Variants in GRM8 observed in about 807,000 individuals in gnomAD.
GRM8 encodes glutamate metabotropic receptor 8.
Under a neutral mutation model 87.2 loss-of-function variants are expected in GRM8, and 47 were observed. The observed-to-expected ratio is 0.54, with a 90% CI of 0.43 to 0.69. The LOEUF is 0.69. GRM8 is among the 30% of genes least tolerant of loss of function. GRM8 has a pLI of 0.00. For missense variants in GRM8, 1,019 were observed against 1,139.2 expected (o/e 0.89, Z 1.52); for synonymous variants, 396 against 404.5 (o/e 0.98, Z 0.25).
intron 7 of GRM8, among the ~76,000 whole-genome samples, chr7:126,616,945 G>A (rs1047182571): frequency 1.3e-5 from 2 of 152,120 alleles, no homozygotes; most frequent in South Asian, 2.1e-4. Context: ...TCTACCAGAG[G>A]TACAATGAGG....
chr7:126,730,657 A>G (rs1384871250), intron 7 of GRM8, among the ~76,000 whole-genome samples: 1 of 152,172 alleles, frequency 6.6e-6, no homozygotes, highest in African/African-American at 2.4e-5. Context: ...CAAACATTTG[A>G]AAAGAGAGAA....
At chr7:126,833,581 C>T (rs114783219) in intron 6 of GRM8, among the ~76,000 whole-genome samples, 3,815 of 152,280 alleles carry the variant, frequency 0.025, 76 homozygotes, top group Middle Eastern at 0.071. Flanking sequence ...TGCCTTCTTG[C>T]TTTATCACAT....
At chr7:126,450,599 CA>C (rs2150481421) in intron 9 of GRM8, among the ~76,000 whole-genome samples, 1 of 151,512 alleles carries the variant, frequency 6.6e-6, no homozygotes, top group Non-Finnish European at 1.5e-5. Flanking sequence ...CAATGGACTT[CA>C]AAATACCATT....
At chr7:126,892,903 T>G (rs1801193719) in intron 6 of GRM8, among the ~76,000 whole-genome samples, 1 of 152,160 alleles carries the variant, frequency 6.6e-6, no homozygotes. Context: ...GTGAGCATTT[T>G]TTCATGTGTT....
chr7:126,494,546 AGTAACTGATT>A (rs1244987926), intron 9 of GRM8, among the ~76,000 whole-genome samples: 9 of 152,016 alleles, frequency 5.9e-5, no homozygotes, highest in Admixed American at 1.3e-4. Context: ...GAAGAAGCAT[AGTAACTGATT>A]GCAAGCACTT....
rs760539830 is a variant in GRM8, at chr7:126,533,627, C to T, written c.1755G>A (p.Val585=). The change falls in exon 9 of 11, where the codon GTG becomes GTA. Residue 585 remains valine (V), a synonymous_variant. Transcript: ENST00000339582. ...IKLEWHSPWA[V]VPVFVAILGI... ...CCAATATTGCAACAAACACAGGCAC[C>T]ACAGCCCAGGGAGAATGCCACTCCA... 8.7e-6 allele frequency: 14 copies of T among 1,614,036 alleles called. No homozygotes were observed. Among genetic ancestry groups the T allele is most frequent in the Non-Finnish European group, 1.1e-5 (13 of 1,179,980 alleles).
At chr7:126,653,471 G>A (rs1272354676) in intron 7 of GRM8, among the ~76,000 whole-genome samples, 2 of 152,082 alleles carry the variant, frequency 1.3e-5, no homozygotes, top group African/African-American at 2.4e-5. Context: ...AACTGATTTT[G>A]TCTCAAATTA....
At chr7:127,007,073 T>C (rs1316773677) in intron 3 of GRM8, among the ~76,000 whole-genome samples, 1 of 152,008 alleles carries the variant, frequency 6.6e-6, no homozygotes, top group Non-Finnish European at 1.5e-5. Context: ...AAATTCTACG[T>C]TGGAGAGAAA....
chr7:126,654,420 A>G (rs554532607), intron 7 of GRM8, among the ~76,000 whole-genome samples: 1 of 152,322 alleles, frequency 6.6e-6, no homozygotes, highest in South Asian at 2.1e-4. Context: ...TCTTAATCAG[A>G]AAAATTATGG....
chr7:127,033,857 C>T (rs1586809976), intron 3 of GRM8, among the ~76,000 whole-genome samples: 1 of 152,278 alleles, frequency 6.6e-6, no homozygotes, highest in African/African-American at 2.4e-5. Context: ...CATGTGTAAA[C>T]ACATTGCTTT....
chr7:127,039,370 AAGCCAG>A (rs1818138240), intron 3 of GRM8, among the ~76,000 whole-genome samples: 1 of 152,062 alleles, frequency 6.6e-6, no homozygotes, highest in South Asian at 2.1e-4. Flanking sequence ...AACCATCTAA[AAGCCAG>A]AGAGGGAGGC....
At chr7:127,227,527 G>A (rs974781656) in intron 2 of GRM8, among the ~76,000 whole-genome samples, 3 of 152,134 alleles carry the variant, frequency 2.0e-5, no homozygotes, top group Non-Finnish European at 4.4e-5. Context: ...TGCTGTCACA[G>A]GTCCTATTTT....
intron 9 of GRM8, among the ~76,000 whole-genome samples, chr7:126,471,234 C>A (rs2150557114): frequency 6.6e-6 from 1 of 152,260 alleles, no homozygotes; most frequent in East Asian, 1.9e-4. Context: ...GTTGCCATTG[C>A]TTTTAGTGTT....
At chr7:127,144,356 G>A (rs1828437630) in intron 2 of GRM8, among the ~76,000 whole-genome samples, 1 of 152,052 alleles carries the variant, frequency 6.6e-6, no homozygotes, top group South Asian at 2.1e-4. Flanking sequence ...GACTTGTGTT[G>A]CTGGTAGGGC....
intron 7 of GRM8, among the ~76,000 whole-genome samples, chr7:126,678,258 T>G (rs971641313): frequency 4.6e-5 from 7 of 152,254 alleles, no homozygotes; most frequent in Admixed American, 6.5e-5. Flanking sequence ...ACAGTTTATT[T>G]TTTATATTTA....
chr7:126,788,151 T>C (rs1820827265), intron 6 of GRM8, among the ~76,000 whole-genome samples: 1 of 152,020 alleles, frequency 6.6e-6, no homozygotes, highest in Admixed American at 6.6e-5. Flanking sequence ...GGCTCATGCT[T>C]GTAATCCCAG....
At chr7:127,059,331 C>CTTTTTTTTTTT (rs10618329) in intron 3 of GRM8, among the ~76,000 whole-genome samples, 4 of 130,590 alleles carry the variant, frequency 3.1e-5, no homozygotes, top group African/African-American at 2.8e-5. Flanking sequence ...TTTTTTTTTG[C>CTTTTTTTTTTT]TTTTTTTTTT....
At chr7:127,165,846 T>A (rs190373200) in intron 2 of GRM8, among the ~76,000 whole-genome samples, 89 of 152,238 alleles carry the variant, frequency 5.8e-4, no homozygotes, top group Non-Finnish European at 1.1e-3. Flanking sequence ...TGAAAGGAGA[T>A]CCCAAAAGAA....
rs547602425 is a variant in GRM8, at chr7:126,585,602, C to A, written c.1494+23760G>T. Among the ~76,000 whole-genome samples the A allele has an allele frequency of 2.0e-5, 3 of 152,286 alleles. No individual in the cohort carries two copies. The South Asian group carries it at 6.2e-4, about 32-fold the overall frequency. Reference sequence around the variant, plus strand: ...AACCACATGATTATCTCAATAGACACAGAAAATGCCTTTGAAAAAATTCAA... The same window carrying A: ...AACCACATGATTATCTCAATAGACAAAGAAAATGCCTTTGAAAAAATTCAA... On this transcript the variant is annotated intron_variant, in intron 8 of 10. Coordinates refer to ENST00000339582, the MANE Select transcript of GRM8 (RefSeq NM_000845.3).
Sources: allele counts gnomAD v4.1 joint callset (sites outside exome capture counted in the v4.1 genomes callset), GRCh38; gene constraint gnomAD v4.1.1; transcripts MANE v1.5; gene names NCBI Gene and HGNC (gene_info 2026-07-23, HGNC 2026-07-21).